Variants in NRXN1 observed in about 807,000 individuals in gnomAD.
NRXN1 encodes the protein neurexin 1, also known as neurexin-1.
NRXN1 carries 39 observed loss-of-function variants against 150.9 expected under a neutral mutation model. That is an observed-to-expected ratio of 0.26 (90% CI 0.20 to 0.34). The LOEUF (loss-of-function observed/expected upper bound fraction) is 0.34. Ranked by LOEUF, NRXN1 falls within the 10% of genes least tolerant of loss-of-function variation. The probability of loss-of-function intolerance (pLI) is 1.00; values close to 1 mark genes in which losing one functional copy is unlikely to be tolerated. For synonymous variants in NRXN1, 924 were observed against 757.0 expected, an observed-to-expected ratio of 1.22 and a Z score of -3.62; for missense variants, 1,815 against 1,949.9, an observed-to-expected ratio of 0.93 and a Z score of 1.30.
chr2:50,869,024 T>C (rs1414843251), intron 5 of NRXN1, among the ~76,000 whole-genome samples: 1 of 151,844 alleles, frequency 6.6e-6, no homozygotes, highest in African/African-American at 2.4e-5. Flanking sequence ...TTCTTCAGTA[T>C]AGAAATGCCT....
intron 5 of NRXN1, chr2:50,829,541 G>C (rs1671088604): frequency 6.2e-6 from 10 of 1,610,834 alleles, no homozygotes; most frequent in African/African-American, 1.3e-5. Flanking sequence ...CCTTATAAGG[G>C]ATCTTAGGAG....
In NRXN1 at chr2:51,018,413, T is replaced by G. The variant is rs1310755493; in HGVS notation, c.772+9089A>C. ...CTAGACAAGAGGCCAGGTCAGCACT[T>G]TGGCTTGCCAGGTCAGACTTATTTT... On this transcript the variant is annotated intron_variant, in intron 2 of 22. Transcript: ENST00000401669. 2.0e-5 allele frequency among the ~76,000 whole-genome samples: 3 copies of G among 152,050 alleles called. No homozygotes were observed. In the South Asian group the frequency reaches 6.2e-4, roughly 32 times the overall value.
chr2:50,830,013 A>G (rs1298730830), intron 5 of NRXN1, among the ~76,000 whole-genome samples: 3 of 147,696 alleles, frequency 2.0e-5, no homozygotes, highest in Non-Finnish European at 4.5e-5. Flanking sequence ...AAAAAAAAAA[A>G]AAAAAAAAAA....
chr2:50,642,449 T>A (rs905262405), intron 5 of NRXN1, among the ~76,000 whole-genome samples: 21 of 152,144 alleles, frequency 1.4e-4, no homozygotes, highest in Admixed American at 9.2e-4. Flanking sequence ...GTGAAGGTTT[T>A]GAGGTGAGAA....
chr2:50,411,043 C>T (rs1295468997), intron 17 of NRXN1, among the ~76,000 whole-genome samples: 4 of 151,828 alleles, frequency 2.6e-5, no homozygotes, highest in Non-Finnish European at 4.4e-5. Context: ...TCTCCCTCTC[C>T]CCCTCCCCGT....
intron 2 of NRXN1, among the ~76,000 whole-genome samples, chr2:50,965,789 TTTAAAGGAAACGC>T: frequency 6.6e-6 from 1 of 151,708 alleles, no homozygotes; most frequent in Admixed American, 6.6e-5. Flanking sequence ...ATTATACTAT[TTTAAAGGAAACGC>T]TTAAAATTTT....
chr2:50,656,448 C>G (rs944392197), intron 5 of NRXN1: 4 of 758,416 alleles, frequency 5.3e-6, no homozygotes, highest in Non-Finnish European at 7.4e-6. Context: ...TATCAAGTTT[C>G]TAGATTCTTT....
At chr2:51,015,571 A>G (rs999152574) in intron 2 of NRXN1, among the ~76,000 whole-genome samples, 1 of 152,066 alleles carries the variant, frequency 6.6e-6, no homozygotes, top group Non-Finnish European at 1.5e-5. Flanking sequence ...GATTTATTCT[A>G]ACTCCTGAAG....
chr2:50,718,322 C>T (rs1045364342), intron 5 of NRXN1, among the ~76,000 whole-genome samples: 3 of 152,142 alleles, frequency 2.0e-5, no homozygotes, highest in Admixed American at 6.5e-5. Flanking sequence ...GCCACATTAC[C>T]GTTAAAGAAA....
intron 5 of NRXN1, among the ~76,000 whole-genome samples, chr2:50,803,542 T>C (rs1707896195): frequency 6.6e-6 from 1 of 152,220 alleles, no homozygotes; most frequent in African/African-American, 2.4e-5. Context: ...CAATAACACA[T>C]TGTTCAATTT....
At position 50,498,396 on chromosome 2, in the gene NRXN1, A is replaced by C. The variant is rs182007632; in HGVS notation, c.2498-682T>G. On this transcript the variant is annotated intron_variant, in intron 13 of 22. Transcript: ENST00000401669. ...TCACCTATGCCTTTTTTTGTCCTTA[A>C]GTTTTCTATAACTAAATCAAGCAAA... 7.6e-3 allele frequency among the ~76,000 whole-genome samples: 1,155 copies of C among 152,196 alleles called. 14 individuals are homozygous for C. The highest frequency in any genetic ancestry group is 9.6e-3 in the Admixed American group (147 of 15,280).
chr2:50,435,627 T>G (rs2085355790), intron 17 of NRXN1, among the ~76,000 whole-genome samples: 1 of 152,168 alleles, frequency 6.6e-6, no homozygotes, highest in Non-Finnish European at 1.5e-5. Flanking sequence ...GTCTTTATGG[T>G]AGAACAATTT....
rs533333849 is a variant in NRXN1 at position 50,250,509 on chromosome 2, T to C, written c.3365-13539A>G. On this transcript the variant is annotated intron_variant, in intron 17 of 22. Coordinates refer to ENST00000401669, the MANE Select transcript of NRXN1 (RefSeq NM_001330078.2). ...TTATCTCTTTGTCTCTTGAATTAAA[T>C]CTCCAGATAAATACAGAGCACAAAT... Among the ~76,000 whole-genome samples the C allele has an allele frequency of 2.6e-4, 39 of 152,020 alleles. No homozygotes were observed. In the South Asian group the frequency reaches 5.2e-3, roughly 20 times the overall value.
In NRXN1 at chr2:50,531,277, G is replaced by T; in HGVS notation, c.2297C>A (p.Thr766Asn). The change falls in exon 11 of 23, where the codon ACC (threonine) becomes AAC (asparagine). Residue 766 changes from threonine (T) to asparagine (N), a missense_variant. By Grantham distance (65) the Thr-to-Asn change is moderately conservative. This residue lies in a region of NRXN1 where 638 missense variants were observed against 652.6 expected (regional missense o/e 0.98). Coordinates refer to ENST00000401669, the MANE Select transcript of NRXN1 (RefSeq NM_001330078.2). The stretch of plus-strand genomic sequence containing the variant: ...TCCTGCGTCTAGCTCCAGGCGGAGG[G>T]TGTCAGCAGAGTCTCTAGAAGTGGT... ...MATTSRDSAD[T>N]LRLELDAGRV... The T allele has an allele frequency of 6.2e-7, 1 of 1,613,594 alleles. No homozygotes were observed. The highest frequency in any genetic ancestry group is 8.5e-7 in the Non-Finnish European group (1 of 1,179,722).
chr2:50,243,551 G>A (rs1559158302), intron 17 of NRXN1, among the ~76,000 whole-genome samples: 1 of 151,794 alleles, frequency 6.6e-6, no homozygotes, highest in Non-Finnish European at 1.5e-5. Context: ...GGAATTTCAT[G>A]AAAGTGATAC....
intron 21 of NRXN1, among the ~76,000 whole-genome samples, chr2:50,049,930 C>T (rs1263534376): frequency 6.6e-6 from 1 of 151,750 alleles, no homozygotes; most frequent in East Asian, 1.9e-4. Flanking sequence ...ATCAGGAGGC[C>T]TTATGGAAAC....
intron 18 of NRXN1, among the ~76,000 whole-genome samples, chr2:50,122,356 T>C (rs1180380161): frequency 6.6e-6 from 1 of 152,208 alleles, no homozygotes; most frequent in African/African-American, 2.4e-5. Flanking sequence ...CAAAAATTTC[T>C]CCCTAAGGAG....
rs571296180 is a variant in NRXN1, at chr2:50,821,194, C to A, written c.832+100675G>T. ...CTTGGTTTAATCCAAGCTTGTCCAA[C>A]CCACGGCCCACAGGCCCCATGCAGC... is the stretch of plus-strand genomic sequence containing the variant. On this transcript the variant is annotated intron_variant, in intron 5 of 22. Coordinates refer to ENST00000401669, the MANE Select transcript of NRXN1 (RefSeq NM_001330078.2). 6.6e-5 allele frequency among the ~76,000 whole-genome samples: 10 copies of A among 152,288 alleles called. No individual in the cohort carries two copies. In the East Asian group the frequency reaches 1.7e-3, roughly 26 times the overall value.
chr2:50,687,478 G>A (rs776825849), intron 5 of NRXN1, among the ~76,000 whole-genome samples: 5 of 151,690 alleles, frequency 3.3e-5, no homozygotes, highest in East Asian at 1.9e-4. Flanking sequence ...CTCCCTCAAC[G>A]TCAGGCTTTC....
Sources: allele counts gnomAD v4.1 joint callset (sites outside exome capture counted in the v4.1 genomes callset), GRCh38; gene constraint gnomAD v4.1.1; regional missense constraint gnomAD v4.1.1; transcripts MANE v1.5; gene names NCBI Gene and HGNC (gene_info 2026-07-23, HGNC 2026-07-21).